Variants in RNF145 observed in about 807,000 individuals in gnomAD.
RNF145 encodes ring finger protein 145.
A neutral mutation model predicts 57.3 loss-of-function variants in RNF145; 12 were observed. The ratio of observed to expected loss-of-function variants is 0.21; its 90% confidence interval spans 0.13 to 0.34. The LOEUF (loss-of-function observed/expected upper bound fraction) is 0.34, where lower values mean the gene tolerates loss of function less well. Among genes scored for constraint, RNF145 ranks in the 10% least tolerant of loss-of-function variants. The probability of loss-of-function intolerance (pLI) is 1.00; values close to 1 mark genes in which losing one functional copy is unlikely to be tolerated. For missense variants in RNF145, 429 were observed against 799.0 expected (o/e 0.54, Z 5.58); for synonymous variants, 262 against 288.3 (o/e 0.91, Z 0.92).
chr5:159,206,187 A>C (rs1785874342), intron 1 of RNF145, among the ~76,000 whole-genome samples: 1 of 152,212 alleles, frequency 6.6e-6, no homozygotes, highest in Non-Finnish European at 1.5e-5. Context: ...TCTACTACAT[A>C]GTCAACTCGA....
chr5:159,179,599 TAAGAA>T (rs1784820681), intron 4 of RNF145, among the ~76,000 whole-genome samples: 1 of 152,116 alleles, frequency 6.6e-6, no homozygotes, highest in African/African-American at 2.4e-5. Flanking sequence ...TGGCCACTGA[TAAGAA>T]GAGTTTTAAG....
intron 2 of RNF145, among the ~76,000 whole-genome samples, chr5:159,196,293 T>C (rs1785459080): frequency 6.6e-6 from 1 of 151,864 alleles, no homozygotes; most frequent in African/African-American, 2.4e-5. Context: ...ATATTTTATG[T>C]GTGGCCCAAG....
chr5:159,192,381 C>A (rs1309660923), intron 3 of RNF145, among the ~76,000 whole-genome samples: 2 of 152,032 alleles, frequency 1.3e-5, no homozygotes, highest in Non-Finnish European at 2.9e-5. Flanking sequence ...AATGGAAAAA[C>A]CATGAGAAAG....
upstream of RNF145, chr5:159,209,797 A>T: frequency 6.7e-7 from 1 of 1,486,508 alleles, no homozygotes; most frequent in East Asian, 2.5e-5. Flanking sequence ...ATTCTGACAC[A>T]CGTGCTCTCT....
At chr5:159,178,458 A>T (rs1784783400) in intron 4 of RNF145, among the ~76,000 whole-genome samples, 1 of 152,014 alleles carries the variant, frequency 6.6e-6, no homozygotes, top group Non-Finnish European at 1.5e-5. Flanking sequence ...TGATTGGACA[A>T]GTCCTCTCTC....
intron 3 of RNF145, among the ~76,000 whole-genome samples, chr5:159,184,215 G>C (rs1034722719): frequency 1.3e-5 from 2 of 152,170 alleles, no homozygotes; most frequent in Non-Finnish European, 2.9e-5. Context: ...GCTAGAATTT[G>C]ATTGCTGAGA....
rs972169281 is a variant in RNF145, at chr5:159,169,072, T to G, written c.939-17A>C. On this transcript the variant is annotated splice_polypyrimidine_tract_variant and intron_variant, in intron 7 of 10. Transcript: ENST00000424310. ...GTCATGCCCCTAAAAAAAGCATACA[T>G]TTTCAGAAAACATAAAATAATCTGA... 23 of 1,511,204 alleles carry G rather than the reference T, an allele frequency of 1.5e-5. No homozygotes were observed. Among genetic ancestry groups the G allele is most frequent in the Non-Finnish European group, 2.0e-5 (23 of 1,132,258 alleles). The allele number at this position is 1,511,204 out of a possible 1,614,324, so 93.6% of individuals were successfully genotyped here.
chr5:159,171,627 T>C (rs1056275639), intron 6 of RNF145, among the ~76,000 whole-genome samples: 6 of 152,204 alleles, frequency 3.9e-5, no homozygotes, highest in Non-Finnish European at 8.8e-5. Flanking sequence ...AATTTCTATT[T>C]TCTGGCTGCA....
intron 6 of RNF145, among the ~76,000 whole-genome samples, chr5:159,171,921 TAGAAAA>T (rs1784573005): frequency 6.6e-6 from 1 of 152,104 alleles, no homozygotes; most frequent in Non-Finnish European, 1.5e-5. Flanking sequence ...TGGCGAGGCA[TAGAAAA>T]AGAAAAGAAA....
At position 159,171,568 on chromosome 5, in the gene RNF145, G is replaced by A. The variant is rs1784561015; in HGVS notation, c.798-1749C>T. Among the ~76,000 whole-genome samples, 3 of 151,842 alleles carry A rather than the reference G, an allele frequency of 2.0e-5. No homozygotes were observed. The South Asian group carries it at 6.2e-4, about 31-fold the overall frequency. ...TGAAAGAGTTTGGAAAATTTATAAA[G>A]TTTTTCTTTGCTCTCTCTTCATTCA... On this transcript the variant is annotated intron_variant, in intron 6 of 10. Transcript: ENST00000424310.
At chr5:159,161,055 CA>C (rs1784200316) in intron 10 of RNF145, 1 of 497,576 alleles carries the variant, frequency 2.0e-6, no homozygotes, top group African/African-American at 2.0e-5. Context: ...AACAACAATA[CA>C]TTAGAACCCA....
chr5:159,182,058 A>T lies in RNF145; in HGVS notation c.294-7T>A. 1 of 1,532,176 alleles carries T rather than the reference A, an allele frequency of 6.5e-7. No homozygotes were observed. Among genetic ancestry groups the T allele is most frequent in the South Asian group, 1.1e-5 (1 of 89,138 alleles). The allele number at this position is 1,532,176 out of a possible 1,614,324, so 94.9% of individuals were successfully genotyped here. A position where few individuals can be genotyped will look rare whatever the true frequency, so the allele number is the denominator to read the frequency against. ...TTCACTCCGAACATAGTCCCTAAAT[A>T]AGAAAATTGATTAGAATGTATATAT... is the stretch of plus-strand genomic sequence containing the variant. On this transcript the variant is annotated splice_region_variant and splice_polypyrimidine_tract_variant and intron_variant, in intron 3 of 10. Coordinates refer to ENST00000424310, the MANE Select transcript of RNF145 (RefSeq NM_001199383.2).
chr5:159,195,239 A>C (rs941754739), intron 2 of RNF145, among the ~76,000 whole-genome samples: 1 of 152,062 alleles, frequency 6.6e-6, no homozygotes, highest in Non-Finnish European at 1.5e-5. Context: ...CAACCCCTGA[A>C]GACTCTCTAT....
At chr5:159,193,829 G>A (rs80225649) in intron 3 of RNF145, among the ~76,000 whole-genome samples, 7 of 151,992 alleles carry the variant, frequency 4.6e-5, no homozygotes, top group African/African-American at 1.7e-4. Flanking sequence ...ATTATGGCTT[G>A]TACTATATGC....
At chr5:159,205,601 GT>G in intron 1 of RNF145, among the ~76,000 whole-genome samples, 1 of 152,260 alleles carries the variant, frequency 6.6e-6, no homozygotes, top group African/African-American at 2.4e-5. Flanking sequence ...TTATTTCAAA[GT>G]AATATTGAAT....
chr5:159,198,600 T>C (rs1350789437), intron 2 of RNF145, among the ~76,000 whole-genome samples: 6 of 152,152 alleles, frequency 3.9e-5, no homozygotes, highest in Non-Finnish European at 8.8e-5. Context: ...AGCTTTGCTA[T>C]TAAGACAGGA....
rs560639585 is a variant in RNF145 at position 159,162,042 on chromosome 5, C to T, written c.1270-420G>A. Among the ~76,000 whole-genome samples, 5 of 152,292 alleles carry T rather than the reference C, an allele frequency of 3.3e-5. No individual in the cohort carries two copies. In the East Asian group the frequency reaches 9.6e-4, roughly 29 times the overall value. ...ACTTCTGCAAAAAAATAATGAATAA[C>T]TCTTCACTGTGTTATGTTTTCCTTT... On this transcript the variant is annotated intron_variant, in intron 9 of 10. Transcript: ENST00000424310.
At chr5:159,197,132 T>C (rs1033183568) in intron 2 of RNF145, among the ~76,000 whole-genome samples, 1 of 152,146 alleles carries the variant, frequency 6.6e-6, no homozygotes, top group Admixed American at 6.5e-5. Flanking sequence ...TAAATGAACA[T>C]TGGAAGGGCT....
intron 5 of RNF145, among the ~76,000 whole-genome samples, chr5:159,176,403 G>C (rs539126461): frequency 3.0e-4 from 45 of 152,160 alleles, no homozygotes; most frequent in African/African-American, 1.1e-3. Context: ...ATCAGGGTTC[G>C]ATCTCAGATA....
Sources: gnomAD v4.1 joint callset for allele counts (sites outside exome capture counted in the v4.1 genomes callset) on GRCh38, gnomAD v4.1.1 for gene constraint, MANE v1.5 for transcripts, NCBI Gene and HGNC (gene_info 2026-07-23, HGNC 2026-07-21) for gene names.